Variants in IVNS1ABP observed in about 807,000 individuals in gnomAD.
IVNS1ABP encodes the protein influenza virus NS1A binding protein.
Under a neutral mutation model 78.9 loss-of-function variants are expected in IVNS1ABP, and 25 were observed. The ratio of observed to expected loss-of-function variants is 0.32; its 90% CI spans 0.23 to 0.44. The LOEUF is 0.44. Ranked by LOEUF, IVNS1ABP falls within the 20% of genes least tolerant of loss-of-function variation. The pLI, the probability that IVNS1ABP is intolerant of heterozygous loss-of-function variation, is 1.00. For synonymous variants in IVNS1ABP, 241 were observed against 259.7 expected (o/e 0.93, Z 0.69); for missense variants, 494 against 768.9 (o/e 0.64, Z 4.23).
Position 185,300,352 on chromosome 1 carries a change from A to C in IVNS1ABP, c.1243-9T>G. On this transcript the variant is annotated splice_polypyrimidine_tract_variant and intron_variant, in intron 11 of 14. Transcript: ENST00000367498. ...ACCACATAGAGCTGGCCCTATGCCA[A>C]AAGTGAGAGATGAGAATTTCTAACA... is the stretch of plus-strand genomic sequence containing the variant. The C allele has an allele frequency of 6.2e-7, 1 of 1,613,458 alleles. No homozygotes were observed. The highest frequency in any genetic ancestry group is 1.7e-4 in the Middle Eastern group (1 of 6,046).
At chr1:185,304,567 G>A (rs1665687642) in intron 8 of IVNS1ABP, among the ~76,000 whole-genome samples, 1 of 152,132 alleles carries the variant, frequency 6.6e-6, no homozygotes, top group Non-Finnish European at 1.5e-5. Flanking sequence ...TCTGGGCTGA[G>A]TCGACTGCTT....
Position 185,300,845 on chromosome 1 carries a change from G to A in IVNS1ABP, c.1120+127C>T, listed in dbSNP as rs1558115215. ...AACTGAAGGTTAGCCATATTCAATA[G>A]TATTGTTATTTCCCTATCTTATTGG... On this transcript the variant is annotated intron_variant, in intron 10 of 14. Transcript: ENST00000367498. The A allele has an allele frequency of 2.0e-5, 15 of 733,620 alleles. No individual in the cohort carries two copies. The Middle Eastern group carries it at 1.3e-3, about 65-fold the overall frequency. The allele number at this position is 733,620 out of a possible 1,614,324, so 45.4% of individuals were successfully genotyped here. A position where few individuals can be genotyped will look rare whatever the true frequency, so the allele number is the denominator to read the frequency against.
intron 1 of IVNS1ABP, among the ~76,000 whole-genome samples, chr1:185,315,618 T>C (rs1665996293): frequency 6.6e-6 from 1 of 152,254 alleles, no homozygotes; most frequent in Non-Finnish European, 1.5e-5. Flanking sequence ...AGTCCATGTT[T>C]ACCTCACGTC....
chr1:185,306,408 G>C, intron 7 of IVNS1ABP: 1 of 1,156,152 alleles, frequency 8.6e-7, no homozygotes, highest in Non-Finnish European at 1.1e-6. Flanking sequence ...CAAGTTAAGT[G>C]AGTGACTATA....
At chr1:185,314,248 T>G (rs1665957421) in intron 1 of IVNS1ABP, among the ~76,000 whole-genome samples, 1 of 152,236 alleles carries the variant, frequency 6.6e-6, no homozygotes, top group Admixed American at 6.5e-5. Context: ...AACTCATTCA[T>G]TCTATCCATG....
At chr1:185,313,621 T>C (rs1190060621) in intron 1 of IVNS1ABP, among the ~76,000 whole-genome samples, 3 of 152,112 alleles carry the variant, frequency 2.0e-5, no homozygotes, top group Non-Finnish European at 4.4e-5. Flanking sequence ...GAGATCTTAT[T>C]TGGTCTATAA....
At chr1:185,300,898 C>A (rs1665577616) in intron 10 of IVNS1ABP, 74 bp downstream of exon 10, 3 of 1,126,326 alleles carry the variant, frequency 2.7e-6, no homozygotes, top group Non-Finnish European at 2.6e-6. Flanking sequence ...CATATTAAAC[C>A]CTCTCTTTGA....
Position 185,301,342 on chromosome 1 carries a change from T to C in IVNS1ABP, c.895+92A>G, listed in dbSNP as rs1175096774. On this transcript the variant is annotated intron_variant, in intron 9 of 14. Coordinates refer to ENST00000367498, the MANE Select transcript of IVNS1ABP (RefSeq NM_006469.5). ...ATTTAATTGCTTCTGAGTTTTTTCC[T>C]CGAGTAGTCAATTTAAGAGGTATTA... 5 of 1,504,318 alleles carry C rather than the reference T, an allele frequency of 3.3e-6. No individual in the cohort carries two copies. The African/African-American group carries it at 6.9e-5, about 21-fold the overall frequency. The allele number at this position is 1,504,318 out of a possible 1,614,324, so 93.2% of individuals were successfully genotyped here.
At chr1:185,311,525 TAAAAA>T (rs35365424) in intron 1 of IVNS1ABP, among the ~76,000 whole-genome samples, 22 of 134,140 alleles carry the variant, frequency 1.6e-4, no homozygotes, top group Admixed American at 3.0e-4. Context: ...CCCAAGTGAT[TAAAAA>T]AAAAAAAAAA....
intron 5 of IVNS1ABP, 115 bp from the exon 6 acceptor site, chr1:185,307,777 T>C (rs1665777546): frequency 2.4e-6 from 3 of 1,232,882 alleles, no homozygotes; most frequent in Non-Finnish European, 3.4e-6. Context: ...ATCACTGTCT[T>C]AATACAACAA....
chr1:185,300,602 A>C, intron 10 of IVNS1ABP, 44 bp from the exon 11 acceptor site: 3 of 1,594,218 alleles, frequency 1.9e-6, no homozygotes, highest in Non-Finnish European at 1.7e-6. Flanking sequence ...TAAAATATTA[A>C]ACTGGACCAC....
In IVNS1ABP at chr1:185,309,113, TAAATA is replaced by T. The variant is rs1373352984; in HGVS notation, c.166_170del (p.Tyr56IlefsTer2). ...CACTATCACTATTAAAGATTTCAAA[TAAATA>T]GGGACTGCAGCAAGCTAGCACTGCT... On this transcript the variant is annotated frameshift_variant, in exon 4 of 15. Coordinates refer to ENST00000367498, the MANE Select transcript of IVNS1ABP (RefSeq NM_006469.5). LOFTEE classifies it high-confidence loss of function. 1 of 1,612,804 alleles carries T rather than the reference TAAATA, an allele frequency of 6.2e-7. No homozygotes were observed. The highest frequency in any genetic ancestry group is 8.5e-7 in the Non-Finnish European group (1 of 1,179,216).
intron 1 of IVNS1ABP, among the ~76,000 whole-genome samples, 177 bp downstream of exon 1, chr1:185,316,776 G>A (rs551526699): frequency 8.4e-4 from 128 of 152,262 alleles, no homozygotes; most frequent in African/African-American, 2.7e-3. Flanking sequence ...CGGGCCCAGC[G>A]CGGCGCGGGC....
intron 1 of IVNS1ABP, 54 bp from the exon 2 acceptor site, chr1:185,311,376 T>A: frequency 2.5e-6 from 1 of 394,370 alleles, no homozygotes; most frequent in Non-Finnish European, 4.5e-6. Flanking sequence ...AGACTGTCAT[T>A]GATCTAGGTA....
rs770392531 is a variant in IVNS1ABP, at chr1:185,307,055, T to C, written c.616A>G (p.Ile206Val). Reference protein sequence around the residue: ...TKVINWVQRSIWENGDSLEEL... With the variant: ...TKVINWVQRSVWENGDSLEEL... ...TCCAGACTGTCTCCATTCTCCCAGA[T>C]GCTACGCTGCACCCAGTTGATTACC... Residue 206 changes from isoleucine to valine, a missense_variant, in exon 7 of 15, where the codon ATC (isoleucine) becomes GTC (valine). Physicochemically the swap from Ile to Val is conservative, Grantham distance 29. Coordinates refer to ENST00000367498, the MANE Select transcript of IVNS1ABP (RefSeq NM_006469.5). The C allele has an allele frequency of 1.2e-6, 2 of 1,613,618 alleles. No homozygotes were observed. The highest frequency in any genetic ancestry group is 1.7e-6 in the Non-Finnish European group (2 of 1,179,578).
At chr1:185,300,764 A>G (rs1665570814) in intron 10 of IVNS1ABP, 7 of 698,004 alleles carry the variant, frequency 1.0e-5, no homozygotes, top group Non-Finnish European at 1.6e-5. Context: ...CTTGGCTTGA[A>G]TATTAGAAAA....
Position 185,300,708 on chromosome 1 carries a change from G to A in IVNS1ABP, c.1121-150C>T, listed in dbSNP as rs1571739223. 4.0e-5 allele frequency: 32 copies of A among 807,722 alleles called. No individual in the cohort carries two copies. The East Asian group carries it at 8.5e-4, about 21-fold the overall frequency. 50.0% of individuals were successfully genotyped at this position (807,722 alleles called of 1,614,324 possible). A position where few individuals can be genotyped will look rare whatever the true frequency, so the allele number is the denominator to read the frequency against. ...TAGTTGATCTTTTAACTAAGTGCTT[G>A]TAATAGCTGAAAAATCGCATTATCA... On this transcript the variant is annotated intron_variant, in intron 10 of 14. Transcript: ENST00000367498.
chr1:185,309,446 C>T lies in IVNS1ABP; in HGVS notation c.48G>A (p.Glu16=), dbSNP rs761586166. ...GGGCATTTAATTTGGCAACAGAAGACTCAATAAAATTTTCATCCTCAAACA... is the reference window on the plus strand; with the variant it reads ...GGGCATTTAATTTGGCAACAGAAGATTCAATAAAATTTTCATCCTCAAACA... ...YLMFEDENFI[E]SSVAKLNALR... Residue 16 remains glutamate (E), a synonymous_variant, in exon 3 of 15, where the codon GAG becomes GAA. Coordinates refer to ENST00000367498, the MANE Select transcript of IVNS1ABP (RefSeq NM_006469.5). 19 of 1,612,906 alleles carry T rather than the reference C, an allele frequency of 1.2e-5. No individual in the cohort carries two copies. The South Asian group carries it at 1.9e-4, about 16-fold the overall frequency.
intron 14 of IVNS1ABP, chr1:185,299,352 T>C (rs1665505717): frequency 3.6e-6 from 1 of 280,278 alleles, no homozygotes; most frequent in Non-Finnish European, 6.9e-6. Context: ...TGGAAAAGAC[T>C]AGGGATTTGC....
Sources: allele counts gnomAD v4.1 joint callset (sites outside exome capture counted in the v4.1 genomes callset), GRCh38; gene constraint gnomAD v4.1.1; transcripts MANE v1.5; gene names NCBI Gene and HGNC (gene_info 2026-07-23, HGNC 2026-07-21).